The following ANKMY1 variants were observed in gnomAD, a reference collection of about 807,000 sequenced individuals.
The protein encoded by ANKMY1 is ankyrin repeat and MYND domain containing 1.
A neutral mutation model predicts 102.0 loss-of-function variants in ANKMY1; 98 were observed. That is an observed-to-expected ratio of 0.96 (90% CI 0.82 to 1.14). The LOEUF is 1.14. Ranked by LOEUF, ANKMY1 falls within the 50% of genes most tolerant of loss-of-function variation. The pLI is 0.00. For missense variants in ANKMY1, 1,330 were observed against 1,347.6 expected, an observed-to-expected ratio of 0.99 and a Z score of 0.20; for synonymous variants, 582 against 559.9, an observed-to-expected ratio of 1.04 and a Z score of -0.56.
At chr2:240,476,233 T>C (rs866330337), downstream of ANKMY1, among the ~76,000 whole-genome samples, 19 of 152,140 alleles carry the variant, frequency 1.2e-4, no homozygotes, top group African/African-American at 3.9e-4. Flanking sequence ...ACCAAGAATA[T>C]ACAATAGCAA....
Position 240,520,475 on chromosome 2 carries a change from G to T in ANKMY1, c.1891C>A (p.Leu631Met), listed in dbSNP as rs1276587754. The part of the protein sequence containing the change: ...LLLRRGADPN[L>M]CCVPMQVLFL... ...AGGACCTGCATGGGCACGCAGCACA[G>T]GTTGGGGTCCGCGCCCCGGCGCAGC... Residue 631 changes from leucine to methionine, a missense_variant, in exon 9 of 18, where the codon CTG (leucine) becomes ATG (methionine). Coordinates refer to ENST00000401804, the MANE Select transcript of ANKMY1 (RefSeq NM_001282771.3). The surrounding 1 kb of genome is among the most constrained non-coding windows in gnomAD (Gnocchi z 4.8). 6.2e-7 allele frequency: 1 copy of T among 1,613,294 alleles called. No homozygotes were observed. The highest frequency in any genetic ancestry group is 1.3e-5 in the African/African-American group (1 of 74,930).
upstream of ANKMY1, chr2:240,560,513 C>T (rs1575424312): frequency 4.7e-6 from 5 of 1,056,198 alleles, no homozygotes; most frequent in East Asian, 1.3e-4. Flanking sequence ...GCCCCCTGTC[C>T]CGGCCCAGCG....
chr2:240,501,640 A>G lies in ANKMY1; in HGVS notation c.2527-1075T>C, dbSNP rs2078200000. Among the ~76,000 whole-genome samples, 4 of 152,346 alleles carry G rather than the reference A, an allele frequency of 2.6e-5. No individual in the cohort carries two copies. In the South Asian group the frequency reaches 8.3e-4, roughly 32 times the overall value. On this transcript the variant is annotated intron_variant, in intron 13 of 17. Coordinates refer to ENST00000401804, the MANE Select transcript of ANKMY1 (RefSeq NM_001282771.3). Reference sequence around the variant, plus strand: ...ACACTCTGTGACATGCGTAACACACATTCCACGCAAACACTGGAGCCCTGC... The same window carrying G: ...ACACTCTGTGACATGCGTAACACACGTTCCACGCAAACACTGGAGCCCTGC...
At chr2:240,527,064 G>T in intron 5 of ANKMY1, 1 of 934,796 alleles carries the variant, frequency 1.1e-6, no homozygotes, top group Non-Finnish European at 1.3e-6. Flanking sequence ...TGTTGCATGA[G>T]TGAATTGATG....
Position 240,554,884 on chromosome 2 carries a change from G to T in ANKMY1, c.318C>A (p.Phe106Leu), listed in dbSNP as rs375514209. ...GLNMKLGYGKFSWPTGESYHG... is the reference protein window; with the variant it reads ...GLNMKLGYGKLSWPTGESYHG... The stretch of plus-strand genomic sequence containing the variant: ...CAGTTACCTCGCCTGTGGGCCAAGA[G>T]AATTTGCCATATCCAAGCTTCATGT... The change falls in exon 3 of 18, where the codon TTC (phenylalanine) becomes TTA (leucine). Residue 106 changes from phenylalanine to leucine, a missense_variant. By Grantham distance (22) the Phe-to-Leu change is conservative. Coordinates refer to ENST00000401804, the MANE Select transcript of ANKMY1 (RefSeq NM_001282771.3). 1 of 1,614,162 alleles carries T rather than the reference G, an allele frequency of 6.2e-7. No individual in the cohort carries two copies. Among genetic ancestry groups the T allele is most frequent in the Non-Finnish European group, 8.5e-7 (1 of 1,180,010 alleles).
Position 240,520,663 on chromosome 2 carries a change from C to A in ANKMY1, c.1833-130G>T, listed in dbSNP as rs111341005. 2.3e-5 allele frequency: 27 copies of A among 1,157,582 alleles called. No homozygotes were observed. The African/African-American group carries it at 3.0e-4, about 13-fold the overall frequency. 71.7% of individuals were successfully genotyped at this position (1,157,582 alleles called of 1,614,324 possible). The stretch of plus-strand genomic sequence containing the variant: ...TATGTGTGTGCCGCAACTACACAAT[C>A]ACACACACAGCACACACCCACACAC... On this transcript the variant is annotated intron_variant, in intron 8 of 17. Transcript: ENST00000401804. The surrounding 1 kb of genome is among the most constrained non-coding windows in gnomAD (Gnocchi z 4.8).
At chr2:240,528,582 C>T (rs79558769) in intron 5 of ANKMY1, among the ~76,000 whole-genome samples, 3,892 of 152,122 alleles carry the variant, frequency 0.026, 169 homozygotes, top group African/African-American at 0.089. Context: ...GCTGATGCAA[C>T]GGTGGGGGCA....
intron 4 of ANKMY1, among the ~76,000 whole-genome samples, chr2:240,551,597 T>C (rs915925536): frequency 6.6e-6 from 1 of 152,206 alleles, no homozygotes; most frequent in African/African-American, 2.4e-5. Flanking sequence ...GTTATTTGTC[T>C]TTGATGCAAG....
chr2:240,511,705 C>G (rs1045132172), intron 11 of ANKMY1, among the ~76,000 whole-genome samples, 156 bp downstream of exon 11: 1 of 152,252 alleles, frequency 6.6e-6, no homozygotes, highest in African/African-American at 2.4e-5. Flanking sequence ...ATCCCGTCCT[C>G]CCGCCTTGCC....
chr2:240,536,677 C>T (rs1444520562), intron 4 of ANKMY1, among the ~76,000 whole-genome samples: 1 of 152,096 alleles, frequency 6.6e-6, no homozygotes, highest in South Asian at 2.1e-4. Flanking sequence ...CTCTTCTCTA[C>T]AAGAAAATAT....
At chr2:240,481,236 G>T in intron 16 of ANKMY1, 139 bp from the exon 17 acceptor site, 2 of 1,072,718 alleles carry the variant, frequency 1.9e-6, no homozygotes, top group Non-Finnish European at 2.6e-6. Context: ...GCATTGGGCA[G>T]CCTTCACACA....
intron 15 of ANKMY1, among the ~76,000 whole-genome samples, chr2:240,489,068 A>C (rs997578770): frequency 8.5e-5 from 13 of 152,276 alleles, no homozygotes; most frequent in African/African-American, 3.1e-4. Flanking sequence ...AAAGGCTTTT[A>C]ATTTTTCCCT....
rs68104327 is a variant in ANKMY1, at chr2:240,520,080, G to A, written c.2004+282C>T. On this transcript the variant is annotated intron_variant, in intron 9 of 17. Coordinates refer to ENST00000401804, the MANE Select transcript of ANKMY1 (RefSeq NM_001282771.3). The surrounding 1 kb of genome is among the most constrained non-coding windows in gnomAD (Gnocchi z 4.8). ...GTCTCCCCTTTCCAAGGGGCCTTCA[G>A]GATGCGCTTCCCCTTAGTTTGCTTC... The A allele has an allele frequency of 0.15, 94,909 of 628,712 alleles. 8,086 individuals are homozygous for A. Among genetic ancestry groups the A allele is most frequent in the Middle Eastern group, 0.28 (1,116 of 3,956 alleles). The allele number at this position is 628,712 out of a possible 1,614,324, so 38.9% of individuals were successfully genotyped here.
At position 240,520,380 on chromosome 2, in the gene ANKMY1, G is replaced by A. The variant is rs2081972990; in HGVS notation, c.1986C>T (p.Asp662=). 1 of 1,568,204 alleles carries A rather than the reference G, an allele frequency of 6.4e-7. No homozygotes were observed. The highest frequency in any genetic ancestry group is 8.6e-7 in the Non-Finnish European group (1 of 1,156,190). Residue 662 remains aspartate (D), a synonymous_variant, in exon 9 of 18, where the codon GAC becomes GAT. Coordinates refer to ENST00000401804, the MANE Select transcript of ANKMY1 (RefSeq NM_001282771.3). The surrounding 1 kb of genome is among the most constrained non-coding windows in gnomAD (Gnocchi z 4.8). The part of the protein sequence containing the change: ...RLLLEHGART[D]ICFPPQLSTL... ...CTCCTACCTGCGGCGGAAAGCAGAT[G>A]TCGGTCCTCGCCCCGTGCTCCAGCA...
At chr2:240,480,268 G>A (rs1176594415) in intron 17 of ANKMY1, among the ~76,000 whole-genome samples, 1 of 152,152 alleles carries the variant, frequency 6.6e-6, no homozygotes, top group Admixed American at 6.5e-5. Context: ...CAGGCCTAAG[G>A]GGGCAGGGGC....
intron 4 of ANKMY1, among the ~76,000 whole-genome samples, chr2:240,530,502 C>T (rs1422773954): frequency 6.6e-6 from 1 of 152,344 alleles, no homozygotes; most frequent in South Asian, 2.1e-4. Context: ...TGTGCCTGCT[C>T]CCCGTTCACC....
rs543465529 is a variant in ANKMY1 at position 240,519,857 on chromosome 2, G to C, written c.2004+505C>G. On this transcript the variant is annotated intron_variant, in intron 9 of 17. Coordinates refer to ENST00000401804, the MANE Select transcript of ANKMY1 (RefSeq NM_001282771.3). ...GCCTCAGAGAGGGAAGAAGCCGTCCGCTGGGAAAGGCACTTCTTAAGAAAA... is the reference window on the plus strand; with the variant it reads ...GCCTCAGAGAGGGAAGAAGCCGTCCCCTGGGAAAGGCACTTCTTAAGAAAA... 1.2e-3 allele frequency: 287 copies of C among 245,218 alleles called. 1 individual carries two copies. Among genetic ancestry groups the C allele is most frequent in the African/African-American group, 6.1e-3 (268 of 43,754 alleles). 15.2% of individuals were successfully genotyped at this position (245,218 alleles called of 1,614,324 possible).
intron 10 of ANKMY1, among the ~76,000 whole-genome samples, chr2:240,512,501 G>A (rs2080408762): frequency 6.6e-6 from 1 of 152,336 alleles, no homozygotes; most frequent in African/African-American, 2.4e-5. Context: ...CCTTCGGAAA[G>A]GCGTGAGATG....
At chr2:240,527,676 GGGTAGGTA>G (rs2084037275) in intron 5 of ANKMY1, 1 of 150,854 alleles carries the variant, frequency 6.6e-6, no homozygotes, top group Non-Finnish European at 1.5e-5. Context: ...ATGGGTAGGT[GGGTAGGTA>G]GATGAATGGA....
Sources: allele counts gnomAD v4.1 joint callset (sites outside exome capture counted in the v4.1 genomes callset), GRCh38; gene constraint gnomAD v4.1.1; non-coding constraint Gnocchi (gnomAD v3.1); transcripts MANE v1.5; gene names NCBI Gene and HGNC (gene_info 2026-07-23, HGNC 2026-07-21).